The following SARM1 variants were observed in gnomAD, a reference collection of about 807,000 sequenced individuals.
The protein encoded by SARM1 is NAD(+) hydrolase SARM1.
SARM1 carries 60 observed loss-of-function variants against 65.1 expected under a neutral mutation model. That is an observed-to-expected ratio of 0.92 (90% CI 0.75 to 1.14). The LOEUF (loss-of-function observed/expected upper bound fraction) is 1.14, where lower values mean the gene tolerates loss of function less well. Ranked by LOEUF, SARM1 falls within the 50% of genes most tolerant of loss-of-function variation. The pLI is 0.00. For synonymous variants in SARM1, 417 were observed against 465.4 expected (o/e 0.90, Z 1.34); for missense variants, 913 against 1,015.7 (o/e 0.90, Z 1.37).
At chr17:28,387,423 C>A (rs2068057439) in intron 5 of SARM1, among the ~76,000 whole-genome samples, 1 of 151,754 alleles carries the variant, frequency 6.6e-6, no homozygotes. Context: ...AGGGTTTCAC[C>A]ATATTGGCCA....
chr17:28,385,056 A>T lies in SARM1; in HGVS notation c.1411A>T (p.Thr471Ser), dbSNP rs2068043414. ...GGGGTGCAGGTTCTTTAGGGAGCTC[A>T]CGGAGCTCAAGACCTTCGCCAACTA... ...ITRKRFFREL[T>S]ELKTFANYST... is the part of the protein sequence containing the mutation. The change falls in exon 5 of 9, where the codon ACG becomes TCG. Residue 471 changes from threonine to serine, a missense_variant. Thr to Ser is a moderately conservative substitution (Grantham distance 58). This residue lies in a region of SARM1 where 862 missense variants were observed against 952.1 expected (regional missense o/e 0.91). Transcript: ENST00000585482. This position sits in a 1 kb window ranked among gnomAD's most constrained non-coding sequence, Gnocchi z 4.5. 1 of 1,613,530 alleles carries T rather than the reference A, an allele frequency of 6.2e-7. No homozygotes were observed. Among genetic ancestry groups the T allele is most frequent in the Non-Finnish European group, 8.5e-7 (1 of 1,179,564 alleles).
At position 28,399,498 on chromosome 17, in the gene SARM1, G is replaced by A. The variant is rs1597829666; in HGVS notation, c.*3212G>A. The A allele has an allele frequency of 1.6e-5, 11 of 686,578 alleles. No homozygotes were observed. The highest frequency in any genetic ancestry group is 7.6e-4 in the Middle Eastern group (2 of 2,616). The allele number at this position is 686,578 out of a possible 1,614,324, so 42.5% of individuals were successfully genotyped here. A position where few individuals can be genotyped will look rare whatever the true frequency, so the allele number is the denominator to read the frequency against. On this transcript the variant is annotated 3_prime_UTR_variant, in exon 9 of 9. Transcript: ENST00000585482. ...AGAGGCTGGGTCAGCTGTGGATGGG[G>A]TGGTGCCTTGGTCTCTCTTGACTAC... is the stretch of plus-strand genomic sequence containing the variant.
intron 7 of SARM1, among the ~76,000 whole-genome samples, chr17:28,392,804 G>T (rs377594587): frequency 3.3e-5 from 5 of 152,202 alleles, no homozygotes; most frequent in South Asian, 4.2e-4. Context: ...ACCCCTTGTC[G>T]TCCCAGCAGA....
chr17:28,392,721 C>T (rs2068086802), intron 7 of SARM1, among the ~76,000 whole-genome samples: 1 of 152,132 alleles, frequency 6.6e-6, no homozygotes, highest in Admixed American at 6.5e-5. Context: ...AGCGGCTCCC[C>T]AGGAAGCCAG....
In SARM1 at chr17:28,381,573, A is replaced by C; in HGVS notation, c.841A>C (p.Lys281Gln). The C allele has an allele frequency of 6.3e-7, 1 of 1,592,594 alleles. No homozygotes were observed. Among genetic ancestry groups the C allele is most frequent in the Admixed American group, 1.7e-5 (1 of 57,222 alleles). Reference protein sequence around the residue: ...CLAVAVLATNKEVEREVERSG... With the variant: ...CLAVAVLATNQEVEREVERSG... ...CGCAGTAGCGGTGTTGGCGACTAAC[A>C]AGGAGGTGGAGCGCGAGGTGGAGCG... The change falls in exon 2 of 9, where the codon AAG becomes CAG. Residue 281 changes from lysine to glutamine, a missense_variant. Transcript: ENST00000585482.
In SARM1 at chr17:28,399,644, G is replaced by T. The variant is rs1362875872; in HGVS notation, c.*3358G>T. ...TTGCTCCTCTTGCCCTCTGTCTTCT[G>T]GTCCAGGCAGATCAGGGGCTCTGGG... On this transcript the variant is annotated 3_prime_UTR_variant, in exon 9 of 9. Transcript: ENST00000585482. 2 of 1,613,750 alleles carry T rather than the reference G, an allele frequency of 1.2e-6. No homozygotes were observed. The highest frequency in any genetic ancestry group is 2.7e-5 in the African/African-American group (2 of 74,908).
Position 28,391,707 on chromosome 17 carries a change from C to CAA in SARM1, c.1923+3188_1923+3189dup, listed in dbSNP as rs1206857097. On this transcript the variant is annotated intron_variant, in intron 7 of 8. Transcript: ENST00000585482. ...CAAAGGAGGCTCTATGCAATTGCAC[C>CAA]AAAAAAAAAAAAAAAAAAAAAGAGA... Among the ~76,000 whole-genome samples the CAA allele has an allele frequency of 1.2e-3, 70 of 56,716 alleles. 1 individual carries two copies. Among genetic ancestry groups the CAA allele is most frequent in the Non-Finnish European group, 1.6e-3 (44 of 27,858 alleles). 37.2% of individuals were successfully genotyped at this position (56,716 alleles called of 152,430 possible).
At chr17:28,394,765 C>T (rs2068100241) in intron 7 of SARM1, 2 of 152,178 alleles carry the variant, frequency 1.3e-5, no homozygotes, top group South Asian at 4.1e-4. Flanking sequence ...AGCATTGACT[C>T]CAAAGGCATG....
At position 28,399,739 on chromosome 17, in the gene SARM1, G is replaced by A. The variant is rs2068173695; in HGVS notation, c.*3453G>A. 1 of 1,613,562 alleles carries A rather than the reference G, an allele frequency of 6.2e-7. No homozygotes were observed. Among genetic ancestry groups the A allele is most frequent in the African/African-American group, 1.3e-5 (1 of 74,896 alleles). ...CTGTGAGAGACCAGAGAGAGAGTTT[G>A]GATTTCATGTGGGGAACCCTCAAGG... On this transcript the variant is annotated 3_prime_UTR_variant, in exon 9 of 9. Transcript: ENST00000585482.
rs554904668 is a variant in SARM1 at position 28,372,550 on chromosome 17, G to C, written c.470+48G>C. 7.1e-7 allele frequency: 1 copy of C among 1,414,930 alleles called. No homozygotes were observed. Among genetic ancestry groups the C allele is most frequent in the Admixed American group, 2.3e-5 (1 of 43,290 alleles). 87.6% of individuals were successfully genotyped at this position (1,414,930 alleles called of 1,614,324 possible). A position where few individuals can be genotyped will look rare whatever the true frequency, so the allele number is the denominator to read the frequency against. On this transcript the variant is annotated intron_variant, in intron 1 of 8. Coordinates refer to ENST00000585482, the MANE Select transcript of SARM1 (RefSeq NM_015077.4). The surrounding 1 kb of genome is among the most constrained non-coding windows in gnomAD (Gnocchi z 5.2). ...GGGAGAGCGCCGCGTGGTGTGGACA[G>C]TTAAGCGCCTGCGTTCCCGTGTGCC...
In SARM1 at chr17:28,396,188, GAGA is replaced by G; in HGVS notation, c.2081_2083del (p.Lys694del). 1.2e-6 allele frequency: 2 copies of G among 1,613,972 alleles called. No homozygotes were observed. The highest frequency in any genetic ancestry group is 8.5e-7 in the Non-Finnish European group (1 of 1,179,878). ...CCACGAATACCAGGAGGCCACCATTGAGAAGATCATCCGCTTCCTGCAGGGCCG... is the reference window on the plus strand; with the variant it reads ...CCACGAATACCAGGAGGCCACCATTGAGATCATCCGCTTCCTGCAGGGCCG... On this transcript the variant is annotated inframe_deletion, in exon 9 of 9. Transcript: ENST00000585482.
chr17:28,402,449 G>A lies in SARM1; in HGVS notation c.*6163G>A, dbSNP rs1555589839. 5.5e-6 allele frequency: 4 copies of A among 724,780 alleles called. No homozygotes were observed. Among genetic ancestry groups the A allele is most frequent in the Non-Finnish European group, 7.0e-6 (3 of 428,818 alleles). 44.9% of individuals were successfully genotyped at this position (724,780 alleles called of 1,614,324 possible). ...TAGACCCAGGAAGAACTTCCTTGAT[G>A]GTGAGGGTGGGAAGACAGTAGTCAA... On this transcript the variant is annotated 3_prime_UTR_variant, in exon 9 of 9. Transcript: ENST00000585482.
chr17:28,375,763 G>A (rs1281996710), intron 1 of SARM1, among the ~76,000 whole-genome samples: 1 of 152,146 alleles, frequency 6.6e-6, no homozygotes, highest in Middle Eastern at 3.4e-3. Context: ...TTGAGCCCAG[G>A]AGTTTGATTG....
At chr17:28,391,880 G>GTT (rs35495893) in intron 7 of SARM1, among the ~76,000 whole-genome samples, 4,043 of 128,224 alleles carry the variant, frequency 0.032, 118 homozygotes, top group Middle Eastern at 0.11. Context: ...ACTTGACTCC[G>GTT]TTTTTTTTTT....
At position 28,389,863 on chromosome 17, in the gene SARM1, C is replaced by A. The variant is rs934372324; in HGVS notation, c.1923+1324C>A. ...CTCCAGCTTGGGCAACAGAGTGGGA[C>A]CCTGTCTCAAAATGACTAGATCGCA... is the stretch of plus-strand genomic sequence containing the variant. On this transcript the variant is annotated intron_variant, in intron 7 of 8. Coordinates refer to ENST00000585482, the MANE Select transcript of SARM1 (RefSeq NM_015077.4). Among the ~76,000 whole-genome samples the A allele has an allele frequency of 3.9e-5, 6 of 152,292 alleles. No individual in the cohort carries two copies. In the East Asian group the frequency reaches 9.6e-4, roughly 24 times the overall value.
At chr17:28,391,057 G>T (rs1213838411) in intron 7 of SARM1, among the ~76,000 whole-genome samples, 3 of 152,196 alleles carry the variant, frequency 2.0e-5, no homozygotes, top group East Asian at 3.8e-4. Context: ...CTCTGAGGGG[G>T]TGTGAGGGGA....
chr17:28,377,898 A>G (rs1488391893), intron 1 of SARM1, among the ~76,000 whole-genome samples: 2 of 152,166 alleles, frequency 1.3e-5, no homozygotes, highest in African/African-American at 2.4e-5. Flanking sequence ...GGGTTTCACC[A>G]TGTTGGCCAG....
chr17:28,386,360 A>G (rs1419102845), intron 5 of SARM1, among the ~76,000 whole-genome samples: 1 of 151,588 alleles, frequency 6.6e-6, no homozygotes, highest in Admixed American at 6.6e-5. Context: ...CATCTGTGTG[A>G]CCCCCCACCC....
chr17:28,393,570 AAAAAG>A (rs1555587220), intron 7 of SARM1, among the ~76,000 whole-genome samples: 1 of 152,086 alleles, frequency 6.6e-6, no homozygotes, highest in African/African-American at 2.4e-5. Flanking sequence ...GCCAAAAAAA[AAAAAG>A]AAAGAAAGAA....
Sources: allele counts gnomAD v4.1 joint callset (sites outside exome capture counted in the v4.1 genomes callset), GRCh38; gene constraint gnomAD v4.1.1; regional missense constraint gnomAD v4.1.1; non-coding constraint Gnocchi (gnomAD v3.1); transcripts MANE v1.5; gene names NCBI Gene and HGNC (gene_info 2026-07-23, HGNC 2026-07-21).